PLCXD1: variants seen among roughly 807,000 people sequenced by gnomAD.
PLCXD1 encodes the protein PI-PLC X domain-containing protein 1.
Under a neutral mutation model 37.8 loss-of-function variants are expected in PLCXD1, and 45 were observed. That is an observed-to-expected ratio of 1.19 (90% CI 0.94 to 1.53). PLCXD1 has a LOEUF of 1.53. Ranked by LOEUF, PLCXD1 falls within the 40% of genes most tolerant of loss-of-function variation. PLCXD1 has a pLI of 0.00. For synonymous variants in PLCXD1, 246 were observed against 206.9 expected, an observed-to-expected ratio of 1.19 and a Z score of -1.62; for missense variants, 539 against 454.7, an observed-to-expected ratio of 1.19 and a Z score of -1.69.
At chrX:291,062 C>T (rs1477568919) in intron 4 of PLCXD1, among the ~76,000 whole-genome samples, 7 of 151,712 alleles carry the variant, frequency 4.6e-5, no homozygotes, top group East Asian at 1.9e-4. Context: ...AGGAAACGCC[C>T]GGTCTTTAAT....
chrX:278,172 A>C (rs2069191482), upstream of PLCXD1, among the ~76,000 whole-genome samples: 1 of 14,046 alleles, frequency 7.1e-5, no homozygotes, highest in African/African-American at 1.6e-4. Flanking sequence ...ATGTGAGGGG[A>C]GGGGTCGGGG....
chrX:291,973 C>T (rs1602884899), intron 5 of PLCXD1, among the ~76,000 whole-genome samples: 2 of 151,800 alleles, frequency 1.3e-5, no homozygotes, highest in Admixed American at 6.6e-5. Flanking sequence ...CGAGACTATC[C>T]TGGCCAACAT....
chrX:301,009 A>G lies in PLCXD1; in HGVS notation c.*1674A>G, dbSNP rs1240614893. On this transcript the variant is annotated 3_prime_UTR_variant, in exon 7 of 7. Coordinates refer to ENST00000381657, the MANE Select transcript of PLCXD1 (RefSeq NM_018390.4). ...TGAGCCACTGTGCCCAGCCGCCGAT[A>G]TTTCTTTAAATTATGTTTAGGGACA... 1.3e-5 allele frequency: 2 copies of G among 151,614 alleles called. No homozygotes were observed. The highest frequency in any genetic ancestry group is 2.1e-4 in the South Asian group (1 of 4,818). The allele number at this position is 151,614 out of a possible 1,614,324, so 9.4% of individuals were successfully genotyped here.
At chrX:298,098 TTCTG>T (rs2069871591) in intron 6 of PLCXD1, among the ~76,000 whole-genome samples, 1 of 1,018 alleles carries the variant, frequency 9.8e-4, no homozygotes, top group Non-Finnish European at 3.6e-3. Context: ...GGGGACATTA[TTCTG>T]TCTATCACAT....
Position 299,508 on chromosome X carries a change from C to G in PLCXD1, c.*173C>G. The G allele has an allele frequency of 9.5e-6, 6 of 629,178 alleles. No individual in the cohort carries two copies. Among genetic ancestry groups the G allele is most frequent in the Non-Finnish European group, 1.7e-5 (6 of 352,500 alleles). 39.0% of individuals were successfully genotyped at this position (629,178 alleles called of 1,614,324 possible). On this transcript the variant is annotated 3_prime_UTR_variant, in exon 7 of 7. Coordinates refer to ENST00000381657, the MANE Select transcript of PLCXD1 (RefSeq NM_018390.4). ...GGGCGTGGTGACTTCGCCTGTCTTC[C>G]CAGCACTTTGGGAGGCCGAGGTGGG... is the stretch of plus-strand genomic sequence containing the variant.
intron 2 of PLCXD1, among the ~76,000 whole-genome samples, chrX:285,425 C>T (rs907834692): frequency 1.6e-4 from 24 of 152,056 alleles, no homozygotes; most frequent in Non-Finnish European, 4.4e-5. Context: ...CAGATATACA[C>T]AGGTGTAGAC....
chrX:293,507 C>G (rs2069705471), intron 6 of PLCXD1, among the ~76,000 whole-genome samples: 1 of 152,120 alleles, frequency 6.6e-6, no homozygotes, highest in Admixed American at 6.6e-5. Flanking sequence ...TGCCTGTCAT[C>G]CTAGCACTTT....
At chrX:294,088 G>A (rs1602895569) in intron 6 of PLCXD1, among the ~76,000 whole-genome samples, 2 of 151,126 alleles carry the variant, frequency 1.3e-5, no homozygotes, top group East Asian at 2.0e-4. Context: ...TGTGATCACA[G>A]CACTTTGGGA....
chrX:293,268 G>A (rs1007229389), intron 6 of PLCXD1, 50 bp downstream of exon 6: 9 of 1,461,180 alleles, frequency 6.2e-6, no homozygotes, highest in African/African-American at 5.6e-5. Context: ...CTCCCGTGAC[G>A]CCCTGCGGCA....
chrX:294,752 C>T (rs979643827), intron 6 of PLCXD1, among the ~76,000 whole-genome samples: 2 of 151,912 alleles, frequency 1.3e-5, no homozygotes, highest in African/African-American at 4.8e-5. Context: ...TGCAGTGGGC[C>T]GAGATCGAGC....
chrX:276,571 C>A (rs1274937896), upstream of PLCXD1, among the ~76,000 whole-genome samples: 1 of 152,122 alleles, frequency 6.6e-6, no homozygotes, highest in Admixed American at 6.5e-5. Context: ...GGGGGAGGGT[C>A]GCCTGGGATC....
chrX:290,657 G>GTC lies in PLCXD1; in HGVS notation c.275_276dup (p.Thr93SerfsTer16), dbSNP rs753604012. 1.9e-6 allele frequency: 3 copies of GTC among 1,613,612 alleles called. No homozygotes were observed. The African/African-American group carries it at 4.0e-5, about 22-fold the overall frequency. ...CAGCCTCTGTCCACAGGCACTGGAC[G>GTC]TCACAGAGCAGCTGGATGCCGGGGT... On this transcript the variant is annotated frameshift_variant, in exon 4 of 7. Transcript: ENST00000381657. LOFTEE classifies it high-confidence loss of function.
At position 288,748 on chromosome X, in the gene PLCXD1, T is replaced by A. The variant is rs746479107; in HGVS notation, c.143T>A (p.Met48Lys). ...TTGCTCTCAGGGAGCCACGACACGA[T>A]GACGTACTGCCTGAACAAGAAGTCC... is the stretch of plus-strand genomic sequence containing the variant. ...HLSIPGSHDT[M>K]TYCLNKKSPI... Residue 48 changes from methionine to lysine, a missense_variant, in exon 3 of 7, where the codon ATG becomes AAG. Physicochemically the swap from Met to Lys is moderately conservative, Grantham distance 95. Transcript: ENST00000381657. The A allele has an allele frequency of 1.2e-6, 2 of 1,613,904 alleles. No homozygotes were observed. The highest frequency in any genetic ancestry group is 2.2e-5 in the South Asian group (2 of 91,076).
At chrX:292,274 T>C (rs2069662021) in intron 5 of PLCXD1, among the ~76,000 whole-genome samples, 1 of 151,580 alleles carries the variant, frequency 6.6e-6, no homozygotes, top group Admixed American at 6.6e-5. Context: ...GCTAACACGG[T>C]GAAACCCCGT....
chrX:281,169 A>C, upstream of PLCXD1: 1 of 64,316 alleles, frequency 1.6e-5, no homozygotes, highest in Non-Finnish European at 3.1e-5. Flanking sequence ...GGGGGCGTGC[A>C]GGGGGAGGGG....
chrX:294,399 G>A (rs1420531924), intron 6 of PLCXD1, among the ~76,000 whole-genome samples: 1 of 150,780 alleles, frequency 6.6e-6, no homozygotes, highest in South Asian at 2.1e-4. Flanking sequence ...GGAGAATGGT[G>A]TGAACTCGGG....
intron 5 of PLCXD1, among the ~76,000 whole-genome samples, chrX:292,449 A>AC (rs1419782550): frequency 1.3e-5 from 2 of 151,842 alleles, no homozygotes; most frequent in Admixed American, 6.6e-5. Flanking sequence ...ACAGAGCGAG[A>AC]TCCGTCTCAA....
rs929211900 is a variant in PLCXD1 at position 301,360 on chromosome X, T to A, written c.*2025T>A. On this transcript the variant is annotated 3_prime_UTR_variant, in exon 7 of 7. Transcript: ENST00000381657. ...GGTCTGGCTATGTTGTCCAGGGTGG[T>A]CTCAAACTCCTGGGCTCAACTGATC... 1 of 151,096 alleles carries A rather than the reference T, an allele frequency of 6.6e-6. No homozygotes were observed. The highest frequency in any genetic ancestry group is 2.4e-5 in the African/African-American group (1 of 41,036). The allele number at this position is 151,096 out of a possible 1,614,324, so 9.4% of individuals were successfully genotyped here. A position where few individuals can be genotyped will look rare whatever the true frequency, so the allele number is the denominator to read the frequency against.
rs770058538 is a variant in PLCXD1, at chrX:301,490, G to C, written c.*2155G>C. On this transcript the variant is annotated 3_prime_UTR_variant, in exon 7 of 7. Coordinates refer to ENST00000381657, the MANE Select transcript of PLCXD1 (RefSeq NM_018390.4). ...GGGTCTGGCTCTGTTGCTCAGGCTG[G>C]TGTGTAGTAGGGGCACAGTCATAGC... is the stretch of plus-strand genomic sequence containing the variant. The C allele has an allele frequency of 6.6e-6, 1 of 151,972 alleles. No homozygotes were observed. The highest frequency in any genetic ancestry group is 1.5e-5 in the Non-Finnish European group (1 of 68,070). The allele number at this position is 151,972 out of a possible 1,614,324, so 9.4% of individuals were successfully genotyped here. A position where few individuals can be genotyped will look rare whatever the true frequency, so the allele number is the denominator to read the frequency against.
Sources: allele counts gnomAD v4.1 joint callset (sites outside exome capture counted in the v4.1 genomes callset), GRCh38; gene constraint gnomAD v4.1.1; transcripts MANE v1.5; gene names NCBI Gene and HGNC (gene_info 2026-07-23, HGNC 2026-07-21).